The following LPP variants were observed in gnomAD, a reference collection of about 807,000 sequenced individuals.
LPP encodes the protein lipoma-preferred partner.
Under a neutral mutation model 60.4 loss-of-function variants are expected in LPP, and 38 were observed. That is an observed-to-expected ratio of 0.63 (90% CI 0.49 to 0.83). LPP has a LOEUF of 0.83. Among genes scored for constraint, LPP ranks in the 40% least tolerant of loss-of-function variants. The probability of loss-of-function intolerance (pLI) is 0.00; values close to 1 mark genes in which losing one functional copy is unlikely to be tolerated. For missense variants in LPP, 902 were observed against 783.6 expected (o/e 1.15, Z -1.80); for synonymous variants, 328 against 290.8 (o/e 1.13, Z -1.30).
At chr3:188,276,495 G>A (rs1373260003) in intron 2 of LPP, among the ~76,000 whole-genome samples, 1 of 152,134 alleles carries the variant, frequency 6.6e-6, no homozygotes, top group Admixed American at 6.6e-5. Context: ...TATTTGTTTG[G>A]ATATTTGTCC....
chr3:188,857,234 T>C (rs1300953441), intron 9 of LPP, among the ~76,000 whole-genome samples: 1 of 152,324 alleles, frequency 6.6e-6, no homozygotes, highest in South Asian at 2.1e-4. Flanking sequence ...TCAACCAAAC[T>C]ATGTATTTAT....
chr3:188,872,883 A>G, intron 11 of LPP, 120 bp downstream of exon 11: 1 of 1,312,214 alleles, frequency 7.6e-7, no homozygotes, highest in East Asian at 2.5e-5. Flanking sequence ...CTGTACTCAT[A>G]GGACTTGGGT....
intron 9 of LPP, among the ~76,000 whole-genome samples, chr3:188,856,019 A>C (rs1273155520): frequency 6.6e-6 from 1 of 152,060 alleles, no homozygotes; most frequent in East Asian, 1.9e-4. Context: ...CCTCATGTCT[A>C]CTCTTAATAA....
intron 4 of LPP, among the ~76,000 whole-genome samples, chr3:188,449,350 A>G (rs541437185): frequency 4.6e-5 from 7 of 152,146 alleles, no homozygotes; most frequent in African/African-American, 1.4e-4. Context: ...CTTCCACCTC[A>G]CAGAAGCCTA....
At chr3:188,577,551 T>C (rs1011254918) in intron 6 of LPP, among the ~76,000 whole-genome samples, 1 of 151,158 alleles carries the variant, frequency 6.6e-6, no homozygotes, top group African/African-American at 2.4e-5. Flanking sequence ...ATTAATATAT[T>C]TATAAATGTA....
At chr3:188,509,686 CT>C (rs1454127023) in intron 5 of LPP, among the ~76,000 whole-genome samples, 1 of 6,704 alleles carries the variant, frequency 1.5e-4, no homozygotes, top group Non-Finnish European at 3.9e-4. Flanking sequence ...TCCTTCCTTC[CT>C]CTCTCTCTCT....
chr3:188,832,028 T>TA (rs1757261774), intron 9 of LPP, among the ~76,000 whole-genome samples: 2 of 152,290 alleles, frequency 1.3e-5, no homozygotes, highest in East Asian at 3.9e-4. Flanking sequence ...ATTTTCTACA[T>TA]AGATACTTGT....
chr3:188,309,320 C>T (rs954366946), intron 2 of LPP, among the ~76,000 whole-genome samples: 6 of 152,084 alleles, frequency 3.9e-5, no homozygotes, highest in African/African-American at 7.2e-5. Context: ...CGCACCTGTC[C>T]GGAGCCTGCG....
chr3:188,558,902 T>TTTTGTTCTATTTTGA (rs1830066486), intron 6 of LPP, among the ~76,000 whole-genome samples: 1 of 152,144 alleles, frequency 6.6e-6, no homozygotes, highest in Non-Finnish European at 1.5e-5. Flanking sequence ...GCAGCACTGC[T>TTTTGTTCTATTTTGA]TTTGTTCTAT....
At chr3:188,473,698 TTTCTC>T (rs1197805997) in intron 4 of LPP, among the ~76,000 whole-genome samples, 2 of 152,222 alleles carry the variant, frequency 1.3e-5, no homozygotes. Flanking sequence ...CCTTCCCTCA[TTTCTC>T]TGCTCTTTCT....
intron 4 of LPP, among the ~76,000 whole-genome samples, chr3:188,465,490 G>A (rs953680988): frequency 6.6e-6 from 1 of 152,156 alleles, no homozygotes; most frequent in African/African-American, 2.4e-5. Flanking sequence ...AAGAGCCTAA[G>A]TACCATAAAA....
chr3:188,477,043 C>G (rs1803419470), intron 4 of LPP, among the ~76,000 whole-genome samples: 1 of 152,210 alleles, frequency 6.6e-6, no homozygotes, highest in Admixed American at 6.5e-5. Flanking sequence ...CTTGCTCTCC[C>G]TCTGGGACAG....
chr3:188,785,994 G>T (rs932071269), intron 9 of LPP, among the ~76,000 whole-genome samples: 1 of 151,998 alleles, frequency 6.6e-6, no homozygotes, highest in African/African-American at 2.4e-5. Flanking sequence ...TGATGGTTTT[G>T]TTACTATTTT....
At chr3:188,218,622 T>C (rs947839887) in intron 1 of LPP, among the ~76,000 whole-genome samples, 2 of 152,204 alleles carry the variant, frequency 1.3e-5, no homozygotes, top group African/African-American at 4.8e-5. Flanking sequence ...CTTCTAAAAT[T>C]TCTTTTATAT....
At chr3:188,867,136 C>T (rs1188088724) in intron 10 of LPP, among the ~76,000 whole-genome samples, 1 of 151,768 alleles carries the variant, frequency 6.6e-6, no homozygotes, top group Non-Finnish European at 1.5e-5. Context: ...ATTTTTAGGT[C>T]CTTCTTTCCT....
At chr3:188,240,249 C>A (rs538206197) in intron 2 of LPP, 1 of 172,140 alleles carries the variant, frequency 5.8e-6, no homozygotes, top group East Asian at 1.0e-4. Context: ...AAATTTTAAG[C>A]CAAAAAGTAG....
chr3:188,266,614 A>T (rs61056790), intron 2 of LPP, among the ~76,000 whole-genome samples: 17,060 of 152,034 alleles, frequency 0.11, 1,333 homozygotes, highest in African/African-American at 0.21. Flanking sequence ...CTTTCTCATT[A>T]ATGGCTTCCA....
At chr3:188,456,017 C>T (rs941327228) in intron 4 of LPP, among the ~76,000 whole-genome samples, 2 of 152,180 alleles carry the variant, frequency 1.3e-5, no homozygotes. Flanking sequence ...CACAGCTTCT[C>T]GAGTAGCTGG....
At chr3:188,827,183 T>C (rs1755780600) in intron 9 of LPP, among the ~76,000 whole-genome samples, 1 of 152,146 alleles carries the variant, frequency 6.6e-6, no homozygotes, top group South Asian at 2.1e-4. Flanking sequence ...CATTTTCAAA[T>C]GGGGAATCTA....
Sources: gnomAD v4.1 joint callset for allele counts (sites outside exome capture counted in the v4.1 genomes callset) on GRCh38, gnomAD v4.1.1 for gene constraint, MANE v1.5 for transcripts, NCBI Gene and HGNC (gene_info 2026-07-23, HGNC 2026-07-21) for gene names.